The following COL4A6 variants were observed in gnomAD, a reference collection of about 807,000 sequenced individuals.
COL4A6 encodes the protein collagen alpha-6(IV) chain.
Under a neutral mutation model 126.7 loss-of-function variants are expected in COL4A6, and 59 were observed. The observed-to-expected ratio is 0.47, with a 90% confidence interval of 0.38 to 0.58. The LOEUF (loss-of-function observed/expected upper bound fraction) is 0.58, where lower values mean the gene tolerates loss of function less well. Ranked by LOEUF, COL4A6 falls within the 20% of genes least tolerant of loss-of-function variation. The pLI is 0.00. For synonymous variants in COL4A6, 547 were observed against 496.6 expected (o/e 1.10, Z -1.35); for missense variants, 1,285 against 1,337.3 (o/e 0.96, Z 0.61).
At position 108,325,603 on chromosome X, in the gene COL4A6, T is replaced by C. The variant is rs1455570300; in HGVS notation, c.64-14775A>G. The stretch of plus-strand genomic sequence containing the variant: ...GATGAGGCATCAATTTCTAACTCAC[T>C]CTGTGAGTCCAGCATTACATTACAG... On this transcript the variant is annotated intron_variant, in intron 2 of 44. Transcript: ENST00000334504. Among the ~76,000 whole-genome samples, 4 of 111,685 alleles carry C rather than the reference T, an allele frequency of 3.6e-5. No homozygotes were observed. In the East Asian group the frequency reaches 1.1e-3, roughly 31 times the overall value.
chrX:108,187,750 T>C, intron 22 of COL4A6, 98 bp downstream of exon 22: 2 of 872,320 alleles, frequency 2.3e-6, no homozygotes, highest in South Asian at 3.3e-5. Flanking sequence ...CTCTAGACTC[T>C]GTTCTTCCCT....
intron 2 of COL4A6, among the ~76,000 whole-genome samples, chrX:108,316,152 T>C (rs2038876282): frequency 8.9e-6 from 1 of 112,051 alleles, no homozygotes; most frequent in Admixed American, 9.5e-5. Flanking sequence ...GTGATTGGAT[T>C]GCAAAGGCCA....
chrX:108,422,930 G>A (rs187956831), intron 2 of COL4A6, among the ~76,000 whole-genome samples: 179 of 111,838 alleles, frequency 1.6e-3, no homozygotes, highest in African/African-American at 5.6e-3. Flanking sequence ...CAGAAAAACA[G>A]AAGAATTTGG....
chrX:108,318,479 T>C (rs1357315356), intron 2 of COL4A6, among the ~76,000 whole-genome samples: 8 of 110,777 alleles, frequency 7.2e-5, no homozygotes, highest in African/African-American at 1.6e-4. Flanking sequence ...AAAACCCCAT[T>C]GTCTCAGCCC....
At chrX:108,302,400 A>T (rs1196699926) in intron 3 of COL4A6, among the ~76,000 whole-genome samples, 1 of 111,331 alleles carries the variant, frequency 9.0e-6, no homozygotes, top group Non-Finnish European at 1.9e-5. Flanking sequence ...TTATTCTTGC[A>T]ATATGTTTTT....
At chrX:108,401,153 T>C (rs1026407969) in intron 2 of COL4A6, among the ~76,000 whole-genome samples, 3 of 111,542 alleles carry the variant, frequency 2.7e-5, no homozygotes, top group Non-Finnish European at 5.7e-5. Flanking sequence ...TTTATTAAGT[T>C]CATATATATA....
chrX:108,223,285 C>T (rs111349195), intron 3 of COL4A6, among the ~76,000 whole-genome samples: 5 of 111,068 alleles, frequency 4.5e-5, no homozygotes, highest in East Asian at 2.8e-4. Flanking sequence ...ATGTAAATGA[C>T]GGGTTAATGG....
intron 3 of COL4A6, among the ~76,000 whole-genome samples, chrX:108,259,895 C>T (rs374883272): frequency 1.0e-3 from 112 of 110,070 alleles, no homozygotes; most frequent in African/African-American, 3.6e-3. Flanking sequence ...AATTTTCGTG[C>T]GATGGATTTA....
chrX:108,325,283 C>T (rs773669301), intron 2 of COL4A6, among the ~76,000 whole-genome samples: 45 of 112,144 alleles, frequency 4.0e-4, no homozygotes, highest in Non-Finnish European at 9.4e-5. Flanking sequence ...CTTCAAAACT[C>T]ATCTACTTTT....
chrX:108,210,123 C>G (rs1032253517), intron 7 of COL4A6, 119 bp from the exon 8 acceptor site: 5 of 652,714 alleles, frequency 7.7e-6, no homozygotes, highest in Non-Finnish European at 1.2e-5. Context: ...CCTCCTCTGT[C>G]AAAGTCTTGT....
chrX:108,408,361 GAAA>G (rs1365483318), intron 2 of COL4A6, among the ~76,000 whole-genome samples: 1 of 109,387 alleles, frequency 9.1e-6, no homozygotes, highest in East Asian at 2.9e-4. Flanking sequence ...AAGAAAGAAA[GAAA>G]GAACGAAAGA....
chrX:108,247,887 G>A (rs1161070565), intron 3 of COL4A6, among the ~76,000 whole-genome samples: 2 of 111,582 alleles, frequency 1.8e-5, no homozygotes, highest in South Asian at 3.8e-4. Flanking sequence ...AACTTAAACT[G>A]GGGTATAAGA....
chrX:108,327,932 A>G (rs2039200338), intron 2 of COL4A6, among the ~76,000 whole-genome samples: 1 of 111,496 alleles, frequency 9.0e-6, no homozygotes, highest in African/African-American at 3.3e-5. Context: ...ACTGCATTCA[A>G]TGAAATTTGT....
At chrX:108,206,248 T>C (rs781030661) in intron 9 of COL4A6, 3 of 438,421 alleles carry the variant, frequency 6.8e-6, no homozygotes, top group East Asian at 4.2e-5. Flanking sequence ...GCAAGAAATG[T>C]GTCAGGGATC....
chrX:108,426,625 CT>C (rs755542702), intron 2 of COL4A6, among the ~76,000 whole-genome samples: 7 of 111,875 alleles, frequency 6.3e-5, no homozygotes, highest in African/African-American at 2.3e-4. Flanking sequence ...TCTTTTTCCC[CT>C]AGGACACTTG....
intron 5 of COL4A6, among the ~76,000 whole-genome samples, chrX:108,217,123 A>G (rs935317972): frequency 1.8e-5 from 2 of 112,103 alleles, no homozygotes; most frequent in Non-Finnish European, 3.8e-5. Context: ...TGTGCCCTTT[A>G]GTGCAAAGAC....
At chrX:108,179,471 G>T (rs1287206779) in intron 25 of COL4A6, 33 bp from the exon 26 acceptor site, 1 of 1,110,785 alleles carries the variant, frequency 9.0e-7, no homozygotes, top group African/African-American at 1.8e-5. Context: ...AAAAGACCAT[G>T]GCTGTTTAGA....
chrX:108,236,783 C>T (rs2036438782), intron 3 of COL4A6, among the ~76,000 whole-genome samples: 1 of 111,743 alleles, frequency 8.9e-6, no homozygotes, highest in Admixed American at 9.5e-5. Flanking sequence ...TGAGAGTACT[C>T]TCTGGAAAGT....
chrX:108,297,249 C>A (rs1166714726), intron 3 of COL4A6, among the ~76,000 whole-genome samples: 1 of 111,829 alleles, frequency 8.9e-6, no homozygotes, highest in Non-Finnish European at 1.9e-5. Context: ...ATGTTAATTG[C>A]TTTAAAGGTA....
Sources: allele counts gnomAD v4.1 joint callset (sites outside exome capture counted in the v4.1 genomes callset), GRCh38; gene constraint gnomAD v4.1.1; transcripts MANE v1.5; gene names NCBI Gene and HGNC (gene_info 2026-07-23, HGNC 2026-07-21).